PCDH15: variants seen among roughly 807,000 people sequenced by gnomAD.
PCDH15 encodes the protein protocadherin-15.
PCDH15 carries 129 observed loss-of-function variants against 178.5 expected under a neutral mutation model. The ratio of observed to expected loss-of-function variants is 0.72; its 90% CI spans 0.63 to 0.84. PCDH15 has a LOEUF of 0.84. Among genes scored for constraint, PCDH15 ranks in the 40% least tolerant of loss-of-function variants. PCDH15 has a pLI of 0.00. For missense variants in PCDH15, 2,230 were observed against 2,099.9 expected (o/e 1.06, Z -1.21); for synonymous variants, 800 against 732.0 (o/e 1.09, Z -1.50).
intron 23 of PCDH15, among the ~76,000 whole-genome samples, chr10:53,951,477 G>C (rs1445183966): frequency 1.3e-5 from 2 of 152,202 alleles, no homozygotes; most frequent in African/African-American, 4.8e-5. Context: ...AAGGAAGAAT[G>C]ATCACATGGG....
At chr10:55,351,180 T>C (rs527511462) in intron 2 of PCDH15, among the ~76,000 whole-genome samples, 2 of 151,380 alleles carry the variant, frequency 1.3e-5, no homozygotes, top group East Asian at 2.0e-4. Flanking sequence ...CTCCTAATAC[T>C]GTCTCTGCAT....
intron 17 of PCDH15, among the ~76,000 whole-genome samples, chr10:54,073,649 T>C (rs1391255099): frequency 6.6e-6 from 1 of 152,152 alleles, no homozygotes; most frequent in African/African-American, 2.4e-5. Flanking sequence ...AACTGAGTAA[T>C]TCAATCCAGT....
rs138963661 is a variant in PCDH15 at position 55,441,824 on chromosome 10, A to C, written c.-156+185801T>G. Among the ~76,000 whole-genome samples, 207 of 152,314 alleles carry C rather than the reference A, an allele frequency of 1.4e-3. 2 individuals carry two copies. The East Asian group carries it at 0.028, about 20-fold the overall frequency. The stretch of plus-strand genomic sequence containing the variant: ...TTAAGTTAAGGATCTTGAGATTCAG[A>C]GATTACTGTAGAATATCCAGGTGTG... On this transcript the variant is annotated intron_variant, in intron 2 of 5. Transcript: ENST00000613346.
chr10:54,842,448 C>CGTA (rs561469858), intron 3 of PCDH15, among the ~76,000 whole-genome samples: 42 of 151,850 alleles, frequency 2.8e-4, no homozygotes, highest in Non-Finnish European at 4.9e-4. Context: ...CTTTGCTACT[C>CGTA]CATCAAGGTT....
At chr10:54,178,005 C>A (rs543231903) in intron 13 of PCDH15, among the ~76,000 whole-genome samples, 1 of 151,930 alleles carries the variant, frequency 6.6e-6, no homozygotes, top group African/African-American at 2.4e-5. Flanking sequence ...TGATTGAAAA[C>A]TTGAGAACAG....
intron 1 of PCDH15, among the ~76,000 whole-genome samples, chr10:54,708,472 T>C (rs1196188181): frequency 1.3e-5 from 2 of 152,230 alleles, no homozygotes; most frequent in African/African-American, 2.4e-5. Flanking sequence ...ATTCCATCTA[T>C]GTAGATATAT....
intron 18 of PCDH15, among the ~76,000 whole-genome samples, chr10:54,031,008 A>G (rs2093277012): frequency 6.6e-6 from 1 of 152,096 alleles, no homozygotes; most frequent in Admixed American, 6.6e-5. Context: ...AGAAAAAAAG[A>G]CATGAGATAG....
At position 54,731,541 on chromosome 10, in the gene PCDH15, G is replaced by GAT. The variant is rs1227921777; in HGVS notation, c.-28-67253_-28-67252dup. 4.8e-4 allele frequency among the ~76,000 whole-genome samples: 33 copies of GAT among 68,330 alleles called. 5 individuals are homozygous for GAT. The highest frequency in any genetic ancestry group is 7.3e-4 in the Non-Finnish European group (25 of 34,430). The allele number at this position is 68,330 out of a possible 152,430, so 44.8% of individuals were successfully genotyped here. On this transcript the variant is annotated intron_variant, in intron 1 of 37. Coordinates refer to ENST00000644397, the MANE Select transcript of PCDH15 (RefSeq NM_001384140.1). The stretch of plus-strand genomic sequence containing the variant: ...CCATCAATGAATAAAGAAAATGTGA[G>GAT]ATAGATATATATATATATATATACA...
chr10:55,281,897 T>A (rs530617294), intron 1 of PCDH15, among the ~76,000 whole-genome samples: 3 of 152,186 alleles, frequency 2.0e-5, no homozygotes, highest in African/African-American at 2.4e-5. Flanking sequence ...CTAAGTTCTA[T>A]GATTTTGCTC....
chr10:53,912,273 A>T (rs2083159741), intron 25 of PCDH15, among the ~76,000 whole-genome samples: 1 of 152,148 alleles, frequency 6.6e-6, no homozygotes, highest in Non-Finnish European at 1.5e-5. Flanking sequence ...CTCTCAATAA[A>T]CTAGGTATTG....
chr10:54,353,494 T>C (rs966677648), intron 5 of PCDH15, among the ~76,000 whole-genome samples: 1 of 152,164 alleles, frequency 6.6e-6, no homozygotes, highest in Non-Finnish European at 1.5e-5. Context: ...AATATAATAT[T>C]TTTATCACAC....
In PCDH15 at chr10:55,360,300, TATG is replaced by T. The variant is rs1845197189; in HGVS notation, c.-155-193652_-155-193650del. Among the ~76,000 whole-genome samples, 3 of 151,966 alleles carry T rather than the reference TATG, an allele frequency of 2.0e-5. No homozygotes were observed. The South Asian group carries it at 6.2e-4, about 31-fold the overall frequency. On this transcript the variant is annotated intron_variant, in intron 2 of 5. Transcript: ENST00000613346. ...AAAATACATGAATTGTGTGTGTATA[TATG>T]ATAAGATGTTAAAAAATAATAAGAG... is the stretch of plus-strand genomic sequence containing the variant.
intron 1 of PCDH15, among the ~76,000 whole-genome samples, chr10:54,719,779 T>G (rs1287353464): frequency 1.3e-5 from 2 of 152,036 alleles, no homozygotes; most frequent in African/African-American, 4.8e-5. Flanking sequence ...TATCCAGTGT[T>G]TGGTTTTTTG....
chr10:55,063,857 GA>G (rs1841499667), intron 2 of PCDH15, among the ~76,000 whole-genome samples: 1 of 152,134 alleles, frequency 6.6e-6, no homozygotes, highest in South Asian at 2.1e-4. Flanking sequence ...AAAGTTATCA[GA>G]AGGTAAACAA....
At position 55,105,768 on chromosome 10, in the gene PCDH15, T is replaced by C. The variant is rs546997071; in HGVS notation, c.-80+60808A>G. ...TCTGTTGTGTGTTTACCTGCATGTG[T>C]AACAATACATTTAATATTGGATAAT... On this transcript the variant is annotated intron_variant, in intron 2 of 5. Coordinates refer to the PCDH15 transcript ENST00000458638. Among the ~76,000 whole-genome samples the C allele has an allele frequency of 3.3e-5, 5 of 152,252 alleles. No homozygotes were observed. In the East Asian group the frequency reaches 9.7e-4, roughly 29 times the overall value.
chr10:54,998,109 G>T (rs1049745783), intron 2 of PCDH15, among the ~76,000 whole-genome samples: 2 of 151,874 alleles, frequency 1.3e-5, no homozygotes, highest in Non-Finnish European at 2.9e-5. Flanking sequence ...TGTTCTTATT[G>T]AAAAAAACAA....
chr10:55,498,496 A>C (rs1840585087), intron 2 of PCDH15, among the ~76,000 whole-genome samples: 1 of 151,928 alleles, frequency 6.6e-6, no homozygotes, highest in Non-Finnish European at 1.5e-5. Flanking sequence ...GAAATGAAGC[A>C]CATAAACATG....
At chr10:54,018,413 A>AT (rs11381051) in intron 20 of PCDH15, among the ~76,000 whole-genome samples, 115,147 of 152,026 alleles carry the variant, frequency 0.76, 43,828 homozygotes, top group Middle Eastern at 0.86. Context: ...ATTGTCAGTA[A>AT]TTATCATAGG....
intron 2 of PCDH15, among the ~76,000 whole-genome samples, chr10:54,913,696 C>A (rs1156279787): frequency 6.6e-6 from 1 of 152,188 alleles, no homozygotes; most frequent in East Asian, 1.9e-4. Flanking sequence ...GTGAAACCAG[C>A]TGTGGGTGAT....
Sources: gnomAD v4.1 joint callset for allele counts (sites outside exome capture counted in the v4.1 genomes callset) on GRCh38, gnomAD v4.1.1 for gene constraint, MANE v1.5 for transcripts, NCBI Gene and HGNC (gene_info 2026-07-23, HGNC 2026-07-21) for gene names.